The following TRPC5 variants were observed in gnomAD, a reference collection of about 807,000 sequenced individuals.
TRPC5 encodes the protein transient receptor potential cation channel subfamily C member 5, also known as short transient receptor potential channel 5.
A neutral mutation model predicts 56.5 loss-of-function variants in TRPC5; 9 were observed. That is an observed-to-expected ratio of 0.16 (90% CI 0.10 to 0.28). The LOEUF (loss-of-function observed/expected upper bound fraction) is 0.28. Among genes scored for constraint, TRPC5 ranks in the 10% least tolerant of loss-of-function variants. TRPC5 has a pLI of 1.00. For synonymous variants in TRPC5, 282 were observed against 278.5 expected (o/e 1.01, Z -0.13); for missense variants, 469 against 748.9 (o/e 0.63, Z 4.36).
intron 1 of TRPC5, among the ~76,000 whole-genome samples, chrX:111,953,755 A>G (rs1189278167): frequency 1.8e-5 from 2 of 112,485 alleles, no homozygotes; most frequent in Non-Finnish European, 3.8e-5. Flanking sequence ...GCTTCCACCA[A>G]CATTTACCTC....
At position 111,981,632 on chromosome X, in the gene TRPC5, C is replaced by T. The variant is rs142998084; in HGVS notation, c.-21-29191G>A. Among the ~76,000 whole-genome samples the T allele has an allele frequency of 4.3e-3, 483 of 111,620 alleles. 3 individuals carry two copies. Among genetic ancestry groups the T allele is most frequent in the African/African-American group, 0.015 (471 of 30,699 alleles). ...AAACAATAACAAGGTCATAATTCAG[C>T]CTAACATGATGCAACTGTCCTGTGT... On this transcript the variant is annotated intron_variant, in intron 1 of 10. Coordinates refer to ENST00000262839, the MANE Select transcript of TRPC5 (RefSeq NM_012471.3).
intron 6 of TRPC5, among the ~76,000 whole-genome samples, chrX:111,843,424 G>C (rs1922818172): frequency 8.9e-6 from 1 of 112,107 alleles, no homozygotes; most frequent in South Asian, 3.7e-4. Context: ...GATAAGAAAG[G>C]CTTTAGAGCA....
At chrX:112,047,717 G>A (rs764434535) in intron 1 of TRPC5, among the ~76,000 whole-genome samples, 5 of 112,000 alleles carry the variant, frequency 4.5e-5, no homozygotes, top group African/African-American at 1.3e-4. Context: ...AAGAGAGTGG[G>A]CATTTCCTGC....
At chrX:111,777,710 C>T (rs59085383) in intron 10 of TRPC5, among the ~76,000 whole-genome samples, 6,004 of 111,891 alleles carry the variant, frequency 0.054, 390 homozygotes, top group African/African-American at 0.18. Context: ...TGGACATATT[C>T]TCCCTTGCCT....
At chrX:111,916,751 G>T (rs757593879) in intron 2 of TRPC5, among the ~76,000 whole-genome samples, 24 of 112,319 alleles carry the variant, frequency 2.1e-4, no homozygotes, top group Non-Finnish European at 4.1e-4. Flanking sequence ...AAAGAAGCCG[G>T]AAACATGGAT....
chrX:111,846,575 C>G (rs1304164494), intron 6 of TRPC5, among the ~76,000 whole-genome samples: 2 of 111,300 alleles, frequency 1.8e-5, no homozygotes, highest in African/African-American at 6.5e-5. Context: ...ACTTGGCCCA[C>G]CTGAAACCTT....
intron 1 of TRPC5, among the ~76,000 whole-genome samples, chrX:111,962,689 G>A (rs1342563870): frequency 8.9e-6 from 1 of 112,573 alleles, no homozygotes; most frequent in Non-Finnish European, 1.9e-5. Context: ...CAGTGGCAGG[G>A]TTTGAGAAGA....
chrX:111,996,867 C>T (rs1928551190), intron 1 of TRPC5, among the ~76,000 whole-genome samples: 1 of 111,124 alleles, frequency 9.0e-6, no homozygotes, highest in African/African-American at 3.3e-5. Context: ...GATCTTCCTC[C>T]ATCCCTTTAT....
At chrX:111,971,656 A>T (rs761542627) in intron 1 of TRPC5, among the ~76,000 whole-genome samples, 1 of 111,735 alleles carries the variant, frequency 8.9e-6, no homozygotes. Context: ...TCTGAGGAGT[A>T]TGTTGTTATA....
intron 1 of TRPC5, 136 bp from the exon 2 acceptor site, chrX:111,952,577 C>T: frequency 4.7e-6 from 3 of 642,097 alleles, no homozygotes; most frequent in Non-Finnish European, 6.7e-6. Context: ...TTTCCGCTTA[C>T]AAAGAAGTAT....
intron 1 of TRPC5, among the ~76,000 whole-genome samples, chrX:112,066,433 T>C (rs1930585979): frequency 8.9e-6 from 1 of 111,836 alleles, no homozygotes; most frequent in African/African-American, 3.3e-5. Context: ...CTACCATCAA[T>C]GCTTAGACTG....
intron 3 of TRPC5, among the ~76,000 whole-genome samples, chrX:111,910,540 AT>A (rs930118424): frequency 3.7e-4 from 41 of 111,145 alleles, no homozygotes; most frequent in Admixed American, 6.7e-4. Flanking sequence ...CTAATAGTAA[AT>A]TTTTTTTTGA....
At chrX:111,913,863 G>C (rs931075005) in intron 2 of TRPC5, among the ~76,000 whole-genome samples, 1 of 108,644 alleles carries the variant, frequency 9.2e-6, no homozygotes, top group Admixed American at 9.8e-5. Flanking sequence ...GGGAGCCTGA[G>C]GCAGGAGAAT....
rs1471168658 is a variant in TRPC5, at chrX:112,001,760, G to GAAAAC, written c.-21-49324_-21-49320dup. On this transcript the variant is annotated intron_variant, in intron 1 of 10. Coordinates refer to ENST00000262839, the MANE Select transcript of TRPC5 (RefSeq NM_012471.3). Reference sequence around the variant, plus strand: ...TGGGCAACAGACCAAGACTCTGACTGAAAACAAAACAAAACAAAAAGTGAA... The same window carrying GAAAAC: ...TGGGCAACAGACCAAGACTCTGACTGAAAACAAAACAAAACAAAACAAAAAGTGAA... 6.3e-5 allele frequency among the ~76,000 whole-genome samples: 7 copies of GAAAAC among 111,745 alleles called. No individual in the cohort carries two copies. In the East Asian group the frequency reaches 1.7e-3, roughly 27 times the overall value.
intron 1 of TRPC5, among the ~76,000 whole-genome samples, chrX:111,994,882 G>C (rs1928476579): frequency 9.0e-6 from 1 of 111,668 alleles, no homozygotes; most frequent in African/African-American, 3.3e-5. Context: ...TTTCCTAACT[G>C]AATACCCTTT....
Position 111,852,385 on chromosome X carries a change from G to A in TRPC5, c.1290C>T (p.Tyr430=), listed in dbSNP as rs201739339. The change falls in exon 5 of 11, where the codon TAC becomes TAT. Residue 430 remains tyrosine (Y), a synonymous_variant. Transcript: ENST00000262839. ...CCATCAGGTTCCACCAGTCATGGAT[G>A]TATTCAGTAAATCCACCATCCCACA... The part of the protein sequence containing the change: ...KEMWDGGFTE[Y]IHDWWNLMDF... The A allele has an allele frequency of 1.7e-4, 207 of 1,207,082 alleles. No individual in the cohort carries two copies. Among genetic ancestry groups the A allele is most frequent in the Non-Finnish European group, 2.1e-4 (184 of 893,043 alleles).
intron 1 of TRPC5, among the ~76,000 whole-genome samples, chrX:111,964,293 G>C (rs1248424308): frequency 8.9e-6 from 1 of 111,769 alleles, no homozygotes; most frequent in Non-Finnish European, 1.9e-5. Flanking sequence ...AGAAAGAAAT[G>C]AACAAAGCCT....
At chrX:112,042,148 C>T (rs779551635) in intron 1 of TRPC5, among the ~76,000 whole-genome samples, 4 of 111,349 alleles carry the variant, frequency 3.6e-5, no homozygotes, top group South Asian at 3.8e-4. Context: ...AGATGCTCAC[C>T]GCAGATATGA....
Position 111,774,805 on chromosome X carries a change from G to T in TRPC5, c.*1508C>A, listed in dbSNP as rs1313578211. 3 of 110,451 alleles carry T rather than the reference G, an allele frequency of 2.7e-5. No individual in the cohort carries two copies. The highest frequency in any genetic ancestry group is 5.7e-5 in the Non-Finnish European group (3 of 52,848). The allele number at this position is 110,451 out of a possible 1,213,427, so 9.1% of individuals were successfully genotyped here. A position where few individuals can be genotyped will look rare whatever the true frequency, so the allele number is the denominator to read the frequency against. ...CATTAATCTAAATGGATTCCTATTG[G>T]TGTTGACATTAAAAAAAACAGCGTG... On this transcript the variant is annotated 3_prime_UTR_variant, in exon 11 of 11. Coordinates refer to ENST00000262839, the MANE Select transcript of TRPC5 (RefSeq NM_012471.3).
Sources: gnomAD v4.1 joint callset for allele counts (sites outside exome capture counted in the v4.1 genomes callset) on GRCh38, gnomAD v4.1.1 for gene constraint, MANE v1.5 for transcripts, NCBI Gene and HGNC (gene_info 2026-07-23, HGNC 2026-07-21) for gene names.